Variants in LRRC4C observed in about 807,000 individuals in gnomAD.
LRRC4C encodes leucine rich repeat containing 4C.
LRRC4C carries 5 observed loss-of-function variants against 33.6 expected under a neutral mutation model. The ratio of observed to expected loss-of-function variants is 0.15; its 90% confidence interval spans 0.08 to 0.31. The LOEUF (loss-of-function observed/expected upper bound fraction) is 0.31. LRRC4C is among the 10% of genes least tolerant of loss of function. LRRC4C has a pLI of 1.00. For synonymous variants in LRRC4C, 329 were observed against 302.0 expected, an observed-to-expected ratio of 1.09 and a Z score of -0.93; for missense variants, 560 against 796.7, an observed-to-expected ratio of 0.70 and a Z score of 3.58.
At chr11:41,458,138 T>C (rs910518993) in intron 1 of LRRC4C, among the ~76,000 whole-genome samples, 1 of 152,176 alleles carries the variant, frequency 6.6e-6, no homozygotes, top group Non-Finnish European at 1.5e-5. Flanking sequence ...CTTCTTTCTA[T>C]ACATAGACAT....
chr11:40,150,307 G>T (rs1322002386), intron 5 of LRRC4C, among the ~76,000 whole-genome samples: 1 of 152,174 alleles, frequency 6.6e-6, no homozygotes, highest in Admixed American at 6.5e-5. Context: ...GGCTTCTGGG[G>T]GCTAGTATGT....
intron 3 of LRRC4C, among the ~76,000 whole-genome samples, chr11:40,363,111 G>A (rs895895339): frequency 6.6e-6 from 1 of 152,150 alleles, no homozygotes; most frequent in South Asian, 2.1e-4. Context: ...GCATGCATAT[G>A]TTCATTGCAG....
chr11:41,072,642 C>T (rs1462886394), intron 1 of LRRC4C, among the ~76,000 whole-genome samples: 2 of 152,030 alleles, frequency 1.3e-5, no homozygotes, highest in Non-Finnish European at 2.9e-5. Flanking sequence ...GACCTCATTT[C>T]TTTATAAATT....
At chr11:40,598,848 A>G (rs568614762) in intron 3 of LRRC4C, among the ~76,000 whole-genome samples, 27 of 152,146 alleles carry the variant, frequency 1.8e-4, no homozygotes, top group Non-Finnish European at 3.4e-4. Flanking sequence ...TCTCACCCCC[A>G]GAAAGCTAAA....
intron 2 of LRRC4C, among the ~76,000 whole-genome samples, chr11:40,921,546 C>T (rs1252208527): frequency 6.6e-6 from 1 of 152,070 alleles, no homozygotes; most frequent in African/African-American, 2.4e-5. Flanking sequence ...TTCAGTTTAG[C>T]TCAGTAAGAC....
intron 1 of LRRC4C, among the ~76,000 whole-genome samples, chr11:41,323,346 T>C (rs189237532): frequency 1.7e-4 from 26 of 152,272 alleles, no homozygotes; most frequent in Non-Finnish European, 2.8e-4. Flanking sequence ...AGAGAAATGA[T>C]GAGAGATAGT....
At chr11:40,286,240 T>A (rs1021999169) in intron 4 of LRRC4C, among the ~76,000 whole-genome samples, 4 of 152,168 alleles carry the variant, frequency 2.6e-5, no homozygotes, top group African/African-American at 9.7e-5. Flanking sequence ...AACAACATAC[T>A]GTAATAGAAG....
At position 40,261,709 on chromosome 11, in the gene LRRC4C, A is replaced by AT. The variant is rs536203947; in HGVS notation, c.-175-20112dup. ...ATGCAGTGATGAAGCTAAAAAAAGA[A>AT]TTTTTTTTGACAAAAACAAGCAATG... On this transcript the variant is annotated intron_variant, in intron 4 of 6. Coordinates refer to ENST00000528697, the MANE Select transcript of LRRC4C (RefSeq NM_001258419.2). Among the ~76,000 whole-genome samples the AT allele has an allele frequency of 3.7e-4, 56 of 151,740 alleles. No individual in the cohort carries two copies. In the East Asian group the frequency reaches 7.3e-3, roughly 20 times the overall value.
chr11:41,127,813 C>T (rs960658075), intron 1 of LRRC4C, among the ~76,000 whole-genome samples: 2 of 152,028 alleles, frequency 1.3e-5, no homozygotes, highest in African/African-American at 4.8e-5. Context: ...AGAGTGAAAA[C>T]CACATGGAGT....
chr11:41,422,164 C>A (rs905600350), intron 1 of LRRC4C, among the ~76,000 whole-genome samples: 7 of 151,894 alleles, frequency 4.6e-5, no homozygotes, highest in Admixed American at 6.6e-5. Flanking sequence ...TTAATTGCTG[C>A]CTATTGTCAT....
intron 1 of LRRC4C, among the ~76,000 whole-genome samples, chr11:41,458,509 T>C (rs1956239041): frequency 7.2e-6 from 1 of 138,514 alleles, no homozygotes. Context: ...ACAGGTAAAA[T>C]ATTGTCTGCG....
intron 1 of LRRC4C, among the ~76,000 whole-genome samples, chr11:41,022,770 A>G (rs1019661861): frequency 6.6e-6 from 1 of 152,166 alleles, no homozygotes; most frequent in East Asian, 1.9e-4. Flanking sequence ...GTGATTTTAA[A>G]CACAGAAATG....
At chr11:41,098,233 T>C (rs1364522857) in intron 1 of LRRC4C, among the ~76,000 whole-genome samples, 1 of 152,128 alleles carries the variant, frequency 6.6e-6, no homozygotes, top group African/African-American at 2.4e-5. Flanking sequence ...GATTTCAGGG[T>C]ATAGAACTCA....
chr11:40,474,302 G>C (rs1213737579), intron 3 of LRRC4C, among the ~76,000 whole-genome samples: 2 of 152,122 alleles, frequency 1.3e-5, no homozygotes, highest in Non-Finnish European at 2.9e-5. Context: ...TTGGATCTTT[G>C]ACAAACATGA....
At chr11:40,814,431 T>G (rs1019060283) in intron 2 of LRRC4C, among the ~76,000 whole-genome samples, 1 of 152,146 alleles carries the variant, frequency 6.6e-6, no homozygotes, top group African/African-American at 2.4e-5. Context: ...GACCCTGGAC[T>G]TGACCCATGA....
intron 1 of LRRC4C, among the ~76,000 whole-genome samples, chr11:40,938,749 C>T (rs746406726): frequency 2.6e-5 from 4 of 152,116 alleles, no homozygotes; most frequent in Admixed American, 2.6e-4. Flanking sequence ...AGCTCAAGTT[C>T]CCACAACTCC....
At position 40,114,536 on chromosome 11, in the gene LRRC4C, G is replaced by A; in HGVS notation, c.1757C>T (p.Pro586Leu). Residue 586 changes from proline (P) to leucine (L), a missense_variant, in exon 7 of 7, where the codon CCC becomes CTC. By Grantham distance (98) the Pro-to-Leu change is moderately conservative. Coordinates refer to ENST00000528697, the MANE Select transcript of LRRC4C (RefSeq NM_001258419.2). ...TGDTPMESHL[P>L]MPAIEHEHLN... ...GTGCTCATGCTCGATAGCAGGCATG[G>A]GCAGGTGGCTTTCCATGGGTGTGTC... The A allele has an allele frequency of 6.2e-7, 1 of 1,614,102 alleles. No homozygotes were observed. Among genetic ancestry groups the A allele is most frequent in the Non-Finnish European group, 8.5e-7 (1 of 1,180,026 alleles).
intron 2 of LRRC4C, among the ~76,000 whole-genome samples, chr11:40,684,716 A>G (rs533499558): frequency 2.0e-4 from 30 of 152,182 alleles, no homozygotes; most frequent in Admixed American, 1.8e-3. Flanking sequence ...AGACATTTTA[A>G]AAAACAATCA....
chr11:41,381,668 A>C (rs1268564251), intron 1 of LRRC4C, among the ~76,000 whole-genome samples: 1 of 151,704 alleles, frequency 6.6e-6, no homozygotes, highest in Non-Finnish European at 1.5e-5. Context: ...AAAAGATAAT[A>C]AGCAATTCTA....
Sources: allele counts gnomAD v4.1 joint callset (sites outside exome capture counted in the v4.1 genomes callset), GRCh38; gene constraint gnomAD v4.1.1; transcripts MANE v1.5; gene names NCBI Gene and HGNC (gene_info 2026-07-23, HGNC 2026-07-21).